RALGAPA2: variants seen among roughly 807,000 people sequenced by gnomAD.
RALGAPA2 encodes the protein Ral GTPase activating protein catalytic subunit alpha 2.
RALGAPA2 carries 139 observed loss-of-function variants against 230.4 expected under a neutral mutation model. That is an observed-to-expected ratio of 0.60 (90% CI 0.53 to 0.69). The LOEUF is 0.69. Ranked by LOEUF, RALGAPA2 falls within the 30% of genes least tolerant of loss-of-function variation. The pLI is 0.00. For missense variants in RALGAPA2, 2,163 were observed against 2,276.0 expected, an observed-to-expected ratio of 0.95 and a Z score of 1.01; for synonymous variants, 847 against 837.8, an observed-to-expected ratio of 1.01 and a Z score of -0.19.
At chr20:20,467,078 A>G (rs759943765) in intron 37 of RALGAPA2, among the ~76,000 whole-genome samples, 3 of 152,208 alleles carry the variant, frequency 2.0e-5, no homozygotes, top group Non-Finnish European at 4.4e-5. Flanking sequence ...GTGGCATCGA[A>G]ACCATACAAG....
chr20:20,494,388 T>A (rs1205138645), intron 36 of RALGAPA2, among the ~76,000 whole-genome samples: 5 of 152,328 alleles, frequency 3.3e-5, no homozygotes, highest in South Asian at 2.1e-4. Flanking sequence ...TTAAGAACTT[T>A]AAAAACGCCC....
rs76997890 is a variant in RALGAPA2, at chr20:20,550,803, A to G, written c.3157-3971T>C. ...AAGAACATATGCCTTTGTAAAATGA[A>G]AAGAGCCATAAAGAAGTAAGTAGAA... On this transcript the variant is annotated intron_variant, in intron 23 of 39. Transcript: ENST00000202677. Among the ~76,000 whole-genome samples, 714 of 152,364 alleles carry G rather than the reference A, an allele frequency of 4.7e-3. 3 individuals carry two copies. The highest frequency in any genetic ancestry group is 0.017 in the African/African-American group (692 of 41,580).
At chr20:20,541,054 A>C (rs1485302161) in intron 24 of RALGAPA2, among the ~76,000 whole-genome samples, 2 of 88,402 alleles carry the variant, frequency 2.3e-5, no homozygotes, top group African/African-American at 9.1e-5. Flanking sequence ...AAAAGTCAGG[A>C]GAATTTTTTT....
chr20:20,705,459 T>C (rs1196904451), intron 1 of RALGAPA2, among the ~76,000 whole-genome samples: 1 of 152,160 alleles, frequency 6.6e-6, no homozygotes, highest in Non-Finnish European at 1.5e-5. Context: ...CACTTAACCC[T>C]AGCAAAGTGT....
chr20:20,629,378 A>G lies in RALGAPA2; in HGVS notation c.1218T>C (p.Asn406=). 1 of 1,595,294 alleles carries G rather than the reference A, an allele frequency of 6.3e-7. No homozygotes were observed. Among genetic ancestry groups the G allele is most frequent in the African/African-American group, 1.3e-5 (1 of 74,582 alleles). The change falls in exon 10 of 40, where the codon AAT becomes AAC. Residue 406 remains asparagine, a synonymous_variant. Coordinates refer to ENST00000202677, the MANE Select transcript of RALGAPA2 (RefSeq NM_020343.4). ...LSTRGYVNFV[N]EVFHQAFLLP... ...ACACACTAACCTGGTGAAATACTTC[A>G]TTCACGAAGTTGACATAACCTCGTG...
chr20:20,615,954 A>G, intron 13 of RALGAPA2, 89 bp downstream of exon 13: 1 of 1,076,926 alleles, frequency 9.3e-7, no homozygotes, highest in East Asian at 3.0e-5. Flanking sequence ...TCGTAAAAAC[A>G]TTAAATAAAT....
At chr20:20,557,197 CT>C (rs1444402601) in intron 23 of RALGAPA2, among the ~76,000 whole-genome samples, 3 of 152,088 alleles carry the variant, frequency 2.0e-5, no homozygotes, top group Non-Finnish European at 4.4e-5. Flanking sequence ...GTAATCCCAG[CT>C]ACTCAGTAGG....
chr20:20,527,996 C>T (rs1407918365), intron 27 of RALGAPA2, among the ~76,000 whole-genome samples: 1 of 152,130 alleles, frequency 6.6e-6, no homozygotes, highest in Non-Finnish European at 1.5e-5. Flanking sequence ...AGGAGTGGGA[C>T]ATGAGGCTTG....
chr20:20,453,885 G>T (rs2061046427), intron 37 of RALGAPA2, among the ~76,000 whole-genome samples: 1 of 152,186 alleles, frequency 6.6e-6, no homozygotes, highest in Non-Finnish European at 1.5e-5. Context: ...TGGTGTCTAG[G>T]AATATGAATG....
rs547362151 is a variant in RALGAPA2, at chr20:20,652,064, T to C, written c.328+1466A>G. Among the ~76,000 whole-genome samples, 32 of 152,366 alleles carry C rather than the reference T, an allele frequency of 2.1e-4. 1 individual carries two copies. The South Asian group carries it at 5.4e-3, about 26-fold the overall frequency. The stretch of plus-strand genomic sequence containing the variant: ...GAAATATTTAAAGATAAAGGCACTA[T>C]CTTAAAGTAATGATTTACACATTTG... On this transcript the variant is annotated intron_variant, in intron 4 of 39. Coordinates refer to ENST00000202677, the MANE Select transcript of RALGAPA2 (RefSeq NM_020343.4).
rs1241994521 is a variant in RALGAPA2, at chr20:20,392,053, G to A, written c.*1236C>T. The A allele has an allele frequency of 6.6e-6, 1 of 152,268 alleles. No individual in the cohort carries two copies. Among genetic ancestry groups the A allele is most frequent in the Non-Finnish European group, 1.5e-5 (1 of 68,080 alleles). 9.4% of individuals were successfully genotyped at this position (152,268 alleles called of 1,614,324 possible). ...GTCAAGGGTCCAGGACACAGCCTGG[G>A]GCCTGCGCCAGCAGCTCTTCGCTGC... On this transcript the variant is annotated 3_prime_UTR_variant, in exon 40 of 40. Transcript: ENST00000202677.
intron 1 of RALGAPA2, among the ~76,000 whole-genome samples, chr20:20,709,631 T>C (rs2069765494): frequency 6.6e-6 from 1 of 152,172 alleles, no homozygotes; most frequent in Admixed American, 6.5e-5. Flanking sequence ...AAGTAAACCG[T>C]CTGCTACATG....
At chr20:20,582,038 C>G (rs1406216745) in intron 20 of RALGAPA2, among the ~76,000 whole-genome samples, 1 of 152,150 alleles carries the variant, frequency 6.6e-6, no homozygotes, top group East Asian at 1.9e-4. Context: ...ACGAGTCTCT[C>G]CTGACACTCC....
chr20:20,401,847 T>C (rs987402956), intron 38 of RALGAPA2, among the ~76,000 whole-genome samples: 16 of 152,252 alleles, frequency 1.1e-4, no homozygotes, highest in African/African-American at 3.6e-4. Flanking sequence ...GGTGCTCCTT[T>C]TGAATTGCAA....
intron 3 of RALGAPA2, among the ~76,000 whole-genome samples, chr20:20,660,238 A>C (rs1444112269): frequency 6.6e-6 from 1 of 152,110 alleles, no homozygotes; most frequent in African/African-American, 2.4e-5. Context: ...GGAAAAAAAA[A>C]AAAAAAGACT....
chr20:20,702,979 C>T (rs2069449644), intron 1 of RALGAPA2, among the ~76,000 whole-genome samples: 1 of 152,036 alleles, frequency 6.6e-6, no homozygotes, highest in African/African-American at 2.4e-5. Context: ...TCAAGACCAG[C>T]ATAGCCAACG....
chr20:20,587,372 C>T (rs16982004), intron 18 of RALGAPA2, among the ~76,000 whole-genome samples: 1,667 of 152,082 alleles, frequency 0.011, 27 homozygotes, highest in African/African-American at 0.038. Context: ...CCTTACATAT[C>T]TCAGAAATAG....
chr20:20,698,607 T>G (rs2069218837), intron 1 of RALGAPA2, among the ~76,000 whole-genome samples: 1 of 152,106 alleles, frequency 6.6e-6, no homozygotes, highest in Non-Finnish European at 1.5e-5. Flanking sequence ...ACCATGTTGG[T>G]CAGGCTGGCC....
chr20:20,511,723 C>G (rs143871833), intron 32 of RALGAPA2, among the ~76,000 whole-genome samples: 199 of 152,296 alleles, frequency 1.3e-3, no homozygotes, highest in African/African-American at 4.6e-3. Flanking sequence ...TCTGTACTTC[C>G]CATTGGATTT....
Sources: gnomAD v4.1 joint callset for allele counts (sites outside exome capture counted in the v4.1 genomes callset) on GRCh38, gnomAD v4.1.1 for gene constraint, MANE v1.5 for transcripts, NCBI Gene and HGNC (gene_info 2026-07-23, HGNC 2026-07-21) for gene names.